The following KCNJ16 variants were observed in gnomAD, a reference collection of about 807,000 sequenced individuals.
KCNJ16 encodes potassium inwardly rectifying channel subfamily J member 16, also known as inward rectifier potassium channel 16.
Under a neutral mutation model 18.5 loss-of-function variants are expected in KCNJ16, and 15 were observed. The ratio of observed to expected loss-of-function variants is 0.81; its 90% CI spans 0.54 to 1.25. The LOEUF is 1.25. KCNJ16 is among the 50% of genes most tolerant of loss of function. KCNJ16 has a pLI of 0.00. For missense variants in KCNJ16, 523 were observed against 525.7 expected, an observed-to-expected ratio of 0.99 and a Z score of 0.05; for synonymous variants, 174 against 186.5, an observed-to-expected ratio of 0.93 and a Z score of 0.55.
At chr17:70,081,954 C>T (rs1462486369) in intron 1 of KCNJ16, among the ~76,000 whole-genome samples, 1 of 152,146 alleles carries the variant, frequency 6.6e-6, no homozygotes, top group Non-Finnish European at 1.5e-5. Flanking sequence ...AGTGACCATG[C>T]TGCCACTCAG....
intron 1 of KCNJ16, among the ~76,000 whole-genome samples, chr17:70,083,410 A>G (rs1207085663): frequency 6.6e-6 from 1 of 151,802 alleles, no homozygotes; most frequent in African/African-American, 2.4e-5. Flanking sequence ...CAAGTGCTGC[A>G]CAATGACAAT....
intron 2 of KCNJ16, among the ~76,000 whole-genome samples, chr17:70,122,281 T>C (rs1454920456): frequency 6.6e-6 from 1 of 151,920 alleles, no homozygotes; most frequent in Non-Finnish European, 1.5e-5. Flanking sequence ...CACACCATTC[T>C]CCTGCCTCAG....
intron 1 of KCNJ16, among the ~76,000 whole-genome samples, chr17:70,094,252 A>T (rs1054135233): frequency 1.3e-5 from 2 of 152,232 alleles, no homozygotes; most frequent in African/African-American, 2.4e-5. Context: ...AAATAAAAGT[A>T]ACCTTCAAGA....
At chr17:70,090,909 A>G (rs562409962) in intron 1 of KCNJ16, among the ~76,000 whole-genome samples, 1 of 152,344 alleles carries the variant, frequency 6.6e-6, no homozygotes, top group Admixed American at 6.5e-5. Flanking sequence ...GTGGCTATGA[A>G]ACAAAGATTC....
At chr17:70,108,030 C>T (rs938735960) in intron 2 of KCNJ16, among the ~76,000 whole-genome samples, 2 of 152,124 alleles carry the variant, frequency 1.3e-5, no homozygotes, top group Non-Finnish European at 2.9e-5. Flanking sequence ...GACATTAAAT[C>T]TACATCCCTG....
At chr17:70,085,555 G>A (rs139549757) in intron 1 of KCNJ16, among the ~76,000 whole-genome samples, 154 of 152,186 alleles carry the variant, frequency 1.0e-3, no homozygotes, top group African/African-American at 3.5e-3. Context: ...ATATTAACAC[G>A]TTCTTTGGAT....
At chr17:70,126,309 A>G (rs2073853938) in intron 2 of KCNJ16, among the ~76,000 whole-genome samples, 1 of 152,150 alleles carries the variant, frequency 6.6e-6, no homozygotes, top group Non-Finnish European at 1.5e-5. Context: ...TTAACTGTAA[A>G]TATCCTGTTA....
At chr17:70,097,890 G>T (rs2072453121) in intron 1 of KCNJ16, among the ~76,000 whole-genome samples, 1 of 152,028 alleles carries the variant, frequency 6.6e-6, no homozygotes. Flanking sequence ...CTGTTTCCTA[G>T]GTTATGACCT....
chr17:70,095,541 A>G (rs1030032837), intron 1 of KCNJ16, among the ~76,000 whole-genome samples: 1 of 152,076 alleles, frequency 6.6e-6, no homozygotes, highest in Non-Finnish European at 1.5e-5. Context: ...TACTCTTTCT[A>G]CTATAAAGAT....
At chr17:70,081,676 T>G (rs1352347037) in intron 1 of KCNJ16, among the ~76,000 whole-genome samples, 2 of 152,066 alleles carry the variant, frequency 1.3e-5, no homozygotes, top group African/African-American at 4.8e-5. Flanking sequence ...TGTATGGAAT[T>G]TGGTTGTGCT....
In KCNJ16 at chr17:70,133,413, C is replaced by A; in HGVS notation, c.*69C>A. 7.1e-7 allele frequency: 1 copy of A among 1,416,978 alleles called. No individual in the cohort carries two copies. The highest frequency in any genetic ancestry group is 9.6e-7 in the Non-Finnish European group (1 of 1,037,626). 87.8% of individuals were successfully genotyped at this position (1,416,978 alleles called of 1,614,324 possible). On this transcript the variant is annotated 3_prime_UTR_variant, in exon 4 of 4. Transcript: ENST00000392671. ...TTTCAGCCAATCAAGTCGTTGTAAACGTGGCTTTTTTGAAAGTGTTATGGC... is the reference window on the plus strand; with the variant it reads ...TTTCAGCCAATCAAGTCGTTGTAAAAGTGGCTTTTTTGAAAGTGTTATGGC...
intron 2 of KCNJ16, among the ~76,000 whole-genome samples, chr17:70,117,350 C>A (rs763062973): frequency 3.9e-5 from 6 of 152,092 alleles, no homozygotes; most frequent in Non-Finnish European, 5.9e-5. Context: ...ACCTCAGCAT[C>A]ACACCAAACC....
At chr17:70,117,782 A>G (rs61076628) in intron 2 of KCNJ16, among the ~76,000 whole-genome samples, 13,891 of 152,242 alleles carry the variant, frequency 0.091, 2,151 homozygotes, top group African/African-American at 0.32. Flanking sequence ...TTAGGGATAC[A>G]GTGGTAAATA....
At position 70,103,296 on chromosome 17, in the gene KCNJ16, G is replaced by GTGTATA. The variant is rs1408960241; in HGVS notation, c.-191+2531_-191+2532insGTATAT. ...ATATAATATGCATATATGTGTGTGT[G>GTGTATA]TATATATATATATATATATATATAT... On this transcript the variant is annotated intron_variant, in intron 2 of 3. Coordinates refer to ENST00000392671, the MANE Select transcript of KCNJ16 (RefSeq NM_170741.4). 3.2e-4 allele frequency among the ~76,000 whole-genome samples: 23 copies of GTGTATA among 72,054 alleles called. 1 individual carries two copies. The highest frequency in any genetic ancestry group is 9.3e-4 in the African/African-American group (21 of 22,502). The allele number at this position is 72,054 out of a possible 152,430, so 47.3% of individuals were successfully genotyped here. A position where few individuals can be genotyped will look rare whatever the true frequency, so the allele number is the denominator to read the frequency against.
chr17:70,120,465 G>C (rs184157551), intron 2 of KCNJ16, among the ~76,000 whole-genome samples: 7 of 152,270 alleles, frequency 4.6e-5, no homozygotes, highest in Admixed American at 4.6e-4. Context: ...ACCTGAGACT[G>C]GGTAATTTAT....
intron 2 of KCNJ16, among the ~76,000 whole-genome samples, chr17:70,123,983 C>G (rs2073752960): frequency 6.6e-6 from 1 of 152,220 alleles, no homozygotes; most frequent in African/African-American, 2.4e-5. Flanking sequence ...GTAATGATAA[C>G]TTCTTATGGA....
intron 2 of KCNJ16, 88 bp from the exon 3 acceptor site, chr17:70,130,791 C>A: frequency 1.5e-6 from 1 of 656,874 alleles, no homozygotes; most frequent in Non-Finnish European, 2.7e-6. Flanking sequence ...CCATCTAGCA[C>A]AGGTAGACTG....
intron 1 of KCNJ16, among the ~76,000 whole-genome samples, chr17:70,094,231 A>C (rs1350917230): frequency 6.6e-6 from 1 of 152,208 alleles, no homozygotes; most frequent in Non-Finnish European, 1.5e-5. Flanking sequence ...CTTTGGAAAA[A>C]CTCAAAGTGA....
chr17:70,129,631 A>G (rs2073987473), intron 2 of KCNJ16, among the ~76,000 whole-genome samples: 1 of 152,256 alleles, frequency 6.6e-6, no homozygotes, highest in Non-Finnish European at 1.5e-5. Context: ...GCCTTTGGCT[A>G]AGTTGAAGTT....
Sources: allele counts gnomAD v4.1 joint callset (sites outside exome capture counted in the v4.1 genomes callset), GRCh38; gene constraint gnomAD v4.1.1; transcripts MANE v1.5; gene names NCBI Gene and HGNC (gene_info 2026-07-23, HGNC 2026-07-21).